Variants in CECR2 observed in about 807,000 individuals in gnomAD.
CECR2 encodes the protein CECR2 histone acetyl-lysine reader.
CECR2 carries 30 observed loss-of-function variants against 154.5 expected under a neutral mutation model. The ratio of observed to expected loss-of-function variants is 0.19; its 90% confidence interval spans 0.15 to 0.26. The LOEUF (loss-of-function observed/expected upper bound fraction) is 0.26, where lower values mean the gene tolerates loss of function less well. CECR2 is among the 10% of genes least tolerant of loss of function. CECR2 has a pLI of 1.00. For synonymous variants in CECR2, 725 were observed against 683.7 expected, an observed-to-expected ratio of 1.06 and a Z score of -0.94; for missense variants, 1,743 against 1,829.3, an observed-to-expected ratio of 0.95 and a Z score of 0.86.
intron 1 of CECR2, among the ~76,000 whole-genome samples, chr22:17,465,011 T>G (rs2055004676): frequency 6.6e-6 from 1 of 151,722 alleles, no homozygotes; most frequent in Admixed American, 6.6e-5. Flanking sequence ...TTTTTTTTTT[T>G]TTTGAGACGA....
chr22:17,375,213 A>G (rs948171501), intron 1 of CECR2, among the ~76,000 whole-genome samples: 2 of 152,232 alleles, frequency 1.3e-5, no homozygotes, highest in African/African-American at 4.8e-5. Context: ...TCCTGGGTTC[A>G]AGCGATTCTC....
chr22:17,551,370 T>A (rs1261480394), intron 17 of CECR2, among the ~76,000 whole-genome samples: 1 of 148,864 alleles, frequency 6.7e-6, no homozygotes, highest in Non-Finnish European at 1.5e-5. Context: ...TGAAGGCTCA[T>A]GGATTTGCAT....
chr22:17,418,732 TG>T, intron 1 of CECR2: 1 of 496,540 alleles, frequency 2.0e-6, no homozygotes, highest in Non-Finnish European at 2.9e-6. Context: ...AAGACCCCAA[TG>T]GACCCATCCA....
At chr22:17,495,583 A>AG (rs2055609099) in intron 2 of CECR2, among the ~76,000 whole-genome samples, 1 of 142,446 alleles carries the variant, frequency 7.0e-6, no homozygotes, top group Admixed American at 7.1e-5. Flanking sequence ...AAAAAAAAAA[A>AG]CGGGTGTGGT....
chr22:17,474,465 G>A (rs900399538), intron 1 of CECR2, among the ~76,000 whole-genome samples: 6 of 152,104 alleles, frequency 3.9e-5, no homozygotes, highest in Admixed American at 3.3e-4. Context: ...AAGCCTATTC[G>A]ATTCTCCTTG....
rs574998694 is a variant in CECR2 at position 17,431,780 on chromosome 22, T to G, written c.127-45808T>G. Among the ~76,000 whole-genome samples, 13 of 91,024 alleles carry G rather than the reference T, an allele frequency of 1.4e-4. No individual in the cohort carries two copies. The South Asian group carries it at 4.1e-3, about 28-fold the overall frequency. The allele number at this position is 91,024 out of a possible 152,430, so 59.7% of individuals were successfully genotyped here. A position where few individuals can be genotyped will look rare whatever the true frequency, so the allele number is the denominator to read the frequency against. On this transcript the variant is annotated intron_variant, in intron 1 of 18. Coordinates refer to ENST00000262608, the MANE Select transcript of CECR2 (RefSeq NM_001290047.2). Reference sequence around the variant, plus strand: ...TCTAGTATCCCTCGTATTTTTTTTTTGGGAGGGGCGCGGCTTATTGAGATA... The same window carrying G: ...TCTAGTATCCCTCGTATTTTTTTTTGGGGAGGGGCGCGGCTTATTGAGATA...
intron 1 of CECR2, among the ~76,000 whole-genome samples, chr22:17,380,094 C>G (rs5747083): frequency 6.6e-6 from 1 of 151,998 alleles, no homozygotes; most frequent in African/African-American, 2.4e-5. Flanking sequence ...CCCTTGTGCT[C>G]TACTCATGCC....
At chr22:17,528,874 T>C (rs1336224581) in intron 9 of CECR2, among the ~76,000 whole-genome samples, 4 of 151,832 alleles carry the variant, frequency 2.6e-5, no homozygotes, top group Non-Finnish European at 5.9e-5. Flanking sequence ...AGGTGGAGAG[T>C]AGACAAATAT....
At chr22:17,516,256 T>C (rs894739192) in intron 8 of CECR2, among the ~76,000 whole-genome samples, 2 of 150,054 alleles carry the variant, frequency 1.3e-5, no homozygotes, top group African/African-American at 4.9e-5. Flanking sequence ...TTTACAGTTA[T>C]GTACATACAT....
In CECR2 at chr22:17,555,693, T is replaced by TA. The variant is rs2146175171; in HGVS notation, c.*2854dup. 2 of 152,340 alleles carry TA rather than the reference T, an allele frequency of 1.3e-5. No individual in the cohort carries two copies. The highest frequency in any genetic ancestry group is 4.8e-5 in the African/African-American group (2 of 41,564). 9.4% of individuals were successfully genotyped at this position (152,340 alleles called of 1,614,324 possible). A position where few individuals can be genotyped will look rare whatever the true frequency, so the allele number is the denominator to read the frequency against. ...CATTAGGAAAATGATGGTTATGTGATATGTTATATTTAGGAAGTAGTGTGT... is the reference window on the plus strand; with the variant it reads ...CATTAGGAAAATGATGGTTATGTGATAATGTTATATTTAGGAAGTAGTGTGT... On this transcript the variant is annotated 3_prime_UTR_variant, in exon 19 of 19. Transcript: ENST00000262608.
intron 1 of CECR2, among the ~76,000 whole-genome samples, chr22:17,361,824 T>C (rs2062979353): frequency 6.6e-6 from 1 of 152,014 alleles, no homozygotes. Flanking sequence ...TACACATCTA[T>C]TCCACAAGCA....
intron 15 of CECR2, 85 bp downstream of exon 15, chr22:17,542,052 G>C: frequency 6.4e-7 from 1 of 1,570,320 alleles, no homozygotes; most frequent in Non-Finnish European, 8.6e-7. Context: ...GTTAAATGTT[G>C]TTCATTGCGT....
chr22:17,497,761 A>G (rs138738303), intron 3 of CECR2, among the ~76,000 whole-genome samples, 175 bp downstream of exon 3: 2 of 152,276 alleles, frequency 1.3e-5, no homozygotes, highest in East Asian at 3.9e-4. Context: ...AGCCACGGAG[A>G]TGCAAGATGT....
chr22:17,525,972 G>GA (rs2056257598), intron 9 of CECR2, among the ~76,000 whole-genome samples: 1 of 152,026 alleles, frequency 6.6e-6, no homozygotes, highest in African/African-American at 2.4e-5. Flanking sequence ...GCTCTATAAT[G>GA]AAAACTATAA....
rs1399169895 is a variant in CECR2 at position 17,548,524 on chromosome 22, G to T, written c.3237G>T (p.Leu1079=). The part of the protein sequence containing the change: ...KGLGSSGSEK[L]LCPRGRTLQE... ...TTGGTAGCAGTGGTTCCGAAAAGCT[G>T]CTCTGCCCCAGAGGCAGAACGTTGC... is the stretch of plus-strand genomic sequence containing the variant. The change falls in exon 17 of 19, where the codon CTG becomes CTT. Residue 1079 remains leucine (L), a synonymous_variant. Transcript: ENST00000262608. 1 of 1,613,748 alleles carries T rather than the reference G, an allele frequency of 6.2e-7. No individual in the cohort carries two copies. The highest frequency in any genetic ancestry group is 8.5e-7 in the Non-Finnish European group (1 of 1,179,814).
chr22:17,450,562 A>G (rs1032504044), intron 1 of CECR2, among the ~76,000 whole-genome samples: 3 of 152,198 alleles, frequency 2.0e-5, no homozygotes, highest in East Asian at 1.9e-4. Flanking sequence ...AGCCCACCTC[A>G]CTTAAAACAT....
intron 9 of CECR2, among the ~76,000 whole-genome samples, chr22:17,524,496 C>T (rs2146966528): frequency 7.4e-6 from 1 of 135,210 alleles, no homozygotes; most frequent in East Asian, 2.1e-4. Context: ...GGGTTCATGC[C>T]ATTCTCCTGC....
chr22:17,504,594 G>A lies in CECR2; in HGVS notation c.701-253G>A, dbSNP rs542464247. On this transcript the variant is annotated intron_variant, in intron 6 of 18. Transcript: ENST00000262608. ...TAGGATCACAGGCGCCCGCCACCGC[G>A]CCCGGCTAATTTTTTTTTTTCTATT... is the stretch of plus-strand genomic sequence containing the variant. Among the ~76,000 whole-genome samples the A allele has an allele frequency of 8.7e-5, 13 of 149,778 alleles. No homozygotes were observed. The South Asian group carries it at 1.7e-3, about 19-fold the overall frequency.
At chr22:17,388,908 G>C (rs1039876307) in intron 1 of CECR2, among the ~76,000 whole-genome samples, 7 of 152,014 alleles carry the variant, frequency 4.6e-5, no homozygotes, top group African/African-American at 1.7e-4. Context: ...CAGCCTCCGG[G>C]TTCAAGCAGT....
Sources: gnomAD v4.1 joint callset for allele counts (sites outside exome capture counted in the v4.1 genomes callset) on GRCh38, gnomAD v4.1.1 for gene constraint, MANE v1.5 for transcripts, NCBI Gene and HGNC (gene_info 2026-07-23, HGNC 2026-07-21) for gene names.